The following RBFOX3 variants were observed in gnomAD, a reference collection of about 807,000 sequenced individuals.
RBFOX3 encodes RNA binding fox-1 homolog 3.
RBFOX3 carries 17 observed loss-of-function variants against 48.7 expected under a neutral mutation model. That is an observed-to-expected ratio of 0.35 (90% confidence interval 0.24 to 0.52). The LOEUF is 0.52. Among genes scored for constraint, RBFOX3 ranks in the 20% least tolerant of loss-of-function variants. The pLI, the probability that RBFOX3 is intolerant of heterozygous loss-of-function variation, is 0.94. For synonymous variants in RBFOX3, 212 were observed against 209.5 expected, an observed-to-expected ratio of 1.01 and a Z score of -0.10; for missense variants, 382 against 497.5, an observed-to-expected ratio of 0.77 and a Z score of 2.21.
chr17:79,138,930 C>T (rs2041223217), intron 4 of RBFOX3, among the ~76,000 whole-genome samples: 1 of 121,126 alleles, frequency 8.3e-6, no homozygotes, highest in African/African-American at 3.1e-5. Context: ...GCACACAGCA[C>T]ATGCATTCAC....
chr17:79,117,927 G>A (rs1346774338), intron 4 of RBFOX3, among the ~76,000 whole-genome samples: 12 of 152,220 alleles, frequency 7.9e-5, no homozygotes, highest in Admixed American at 7.2e-4. Context: ...CACCAGGGAG[G>A]TGGCCCCAAG....
chr17:79,577,030 C>T (rs2092886062), intron 1 of RBFOX3, among the ~76,000 whole-genome samples: 1 of 152,074 alleles, frequency 6.6e-6, no homozygotes. Flanking sequence ...AGGGGGATTA[C>T]TCAAGCCTAT....
intron 2 of RBFOX3, among the ~76,000 whole-genome samples, chr17:79,446,097 T>C (rs1368271140): frequency 6.6e-6 from 1 of 152,120 alleles, no homozygotes; most frequent in Non-Finnish European, 1.5e-5. Flanking sequence ...AACCCTGCCC[T>C]GAAGGGTAGG....
intron 2 of RBFOX3, among the ~76,000 whole-genome samples, chr17:79,416,316 G>T (rs1769538234): frequency 6.6e-6 from 1 of 152,192 alleles, no homozygotes; most frequent in Non-Finnish European, 1.5e-5. Flanking sequence ...AGGTGCTTTG[G>T]CCATGGCCCC....
chr17:79,452,728 C>T (rs2149160187), intron 2 of RBFOX3, among the ~76,000 whole-genome samples: 1 of 152,302 alleles, frequency 6.6e-6, no homozygotes. Context: ...CAGCCCCTGC[C>T]AACTGCTGGA....
intron 10 of RBFOX3, 118 bp downstream of exon 10, chr17:79,097,574 G>T (rs1049001984): frequency 3.9e-6 from 5 of 1,277,110 alleles, no homozygotes; most frequent in Non-Finnish European, 5.2e-6. Context: ...ACACGGCGAC[G>T]GGAGGGCGGG....
chr17:79,314,445 G>C (rs2077261857), intron 2 of RBFOX3, among the ~76,000 whole-genome samples: 1 of 152,180 alleles, frequency 6.6e-6, no homozygotes, highest in Admixed American at 6.5e-5. Flanking sequence ...GGCAGGTGCA[G>C]ATGGCCTCGC....
At chr17:79,582,310 C>T (rs2093097003) in intron 1 of RBFOX3, among the ~76,000 whole-genome samples, 2 of 151,690 alleles carry the variant, frequency 1.3e-5, no homozygotes, top group Non-Finnish European at 2.9e-5. Context: ...GTGCCTATGC[C>T]TGTGTGTGTG....
intron 1 of RBFOX3, among the ~76,000 whole-genome samples, chr17:79,577,658 AAC>A (rs1165032699): frequency 4.6e-5 from 7 of 152,224 alleles, no homozygotes; most frequent in African/African-American, 1.7e-4. Context: ...TCCCACTTCC[AAC>A]ACACACACGT....
At chr17:79,600,312 A>G (rs1255927302) in intron 1 of RBFOX3, 1 of 152,268 alleles carries the variant, frequency 6.6e-6, no homozygotes, top group African/African-American at 2.4e-5. Context: ...GCACACATAC[A>G]GGATGCACAT....
chr17:79,433,243 C>T (rs1452421127), intron 2 of RBFOX3, among the ~76,000 whole-genome samples: 1 of 152,202 alleles, frequency 6.6e-6, no homozygotes, highest in East Asian at 1.9e-4. Flanking sequence ...GAGGTCCCGC[C>T]CTGGTCTCTG....
At chr17:79,567,180 CTTTTT>C (rs1159762873) in intron 1 of RBFOX3, among the ~76,000 whole-genome samples, 8 of 92,072 alleles carry the variant, frequency 8.7e-5, no homozygotes, top group African/African-American at 2.4e-4. Context: ...TTCTTTCTTT[CTTTTT>C]TTTTTTTTTT....
At chr17:79,525,832 C>T (rs900124457) in intron 1 of RBFOX3, among the ~76,000 whole-genome samples, 44 of 152,314 alleles carry the variant, frequency 2.9e-4, no homozygotes, top group African/African-American at 9.9e-4. Flanking sequence ...CAACCTGTCT[C>T]TTGTGATAAC....
At chr17:79,521,594 C>T (rs2086109603) in intron 1 of RBFOX3, among the ~76,000 whole-genome samples, 1 of 147,028 alleles carries the variant, frequency 6.8e-6, no homozygotes, top group Admixed American at 6.6e-5. Flanking sequence ...TACACATTCA[C>T]ATGCAGACAC....
chr17:79,219,918 C>G (rs1168171146), intron 4 of RBFOX3, among the ~76,000 whole-genome samples: 2 of 150,684 alleles, frequency 1.3e-5, no homozygotes, highest in African/African-American at 4.9e-5. Context: ...GAGGCTGGGC[C>G]CAGCCCCCTG....
chr17:79,092,326 C>G, intron 14 of RBFOX3: 1 of 985,504 alleles, frequency 1.0e-6, no homozygotes, highest in Non-Finnish European at 1.2e-6. Flanking sequence ...TTGGGTAGTA[C>G]AACATCAACA....
intron 1 of RBFOX3, among the ~76,000 whole-genome samples, chr17:79,590,875 T>C (rs2093396860): frequency 6.6e-6 from 1 of 152,224 alleles, no homozygotes; most frequent in African/African-American, 2.4e-5. Flanking sequence ...ACAGCCAGCA[T>C]GGACCCCACC....
intron 1 of RBFOX3, among the ~76,000 whole-genome samples, chr17:79,493,867 C>A (rs377113430): frequency 6.6e-6 from 1 of 152,118 alleles, no homozygotes; most frequent in Admixed American, 6.5e-5. Context: ...ACACACCCGC[C>A]GCGGCAGTAG....
intron 2 of RBFOX3, among the ~76,000 whole-genome samples, chr17:79,476,409 T>A (rs1279742233): frequency 6.6e-6 from 1 of 152,198 alleles, no homozygotes; most frequent in Non-Finnish European, 1.5e-5. Flanking sequence ...CAAAAAGCAG[T>A]TTTATCCTTC....
Sources: allele counts gnomAD v4.1 joint callset (sites outside exome capture counted in the v4.1 genomes callset), GRCh38; gene constraint gnomAD v4.1.1; transcripts MANE v1.5; gene names NCBI Gene and HGNC (gene_info 2026-07-23, HGNC 2026-07-21).